NCAM2: variants seen among roughly 807,000 people sequenced by gnomAD.
NCAM2 encodes N-CAM-2.
NCAM2 carries 30 observed loss-of-function variants against 98.1 expected under a neutral mutation model. The ratio of observed to expected loss-of-function variants is 0.31; its 90% CI spans 0.23 to 0.41. NCAM2 has a LOEUF of 0.41. Among genes scored for constraint, NCAM2 ranks in the 10% least tolerant of loss-of-function variants. NCAM2 has a pLI of 1.00. For missense variants in NCAM2, 867 were observed against 1,005.8 expected, an observed-to-expected ratio of 0.86 and a Z score of 1.87; for synonymous variants, 368 against 342.4, an observed-to-expected ratio of 1.07 and a Z score of -0.83.
intron 16 of NCAM2, among the ~76,000 whole-genome samples, chr21:21,511,558 T>C (rs1436700430): frequency 5.9e-5 from 9 of 151,920 alleles, no homozygotes; most frequent in African/African-American, 2.2e-4. Context: ...GCAATAAACA[T>C]GGGAGTACAA....
At chr21:21,036,025 T>G (rs909087368) in intron 1 of NCAM2, among the ~76,000 whole-genome samples, 9 of 152,182 alleles carry the variant, frequency 5.9e-5, no homozygotes, top group Admixed American at 5.9e-4. Flanking sequence ...TAATTTAACA[T>G]ATGAAATAAG....
At chr21:21,238,709 AT>A (rs2070943347) in intron 1 of NCAM2, among the ~76,000 whole-genome samples, 1 of 152,196 alleles carries the variant, frequency 6.6e-6, no homozygotes, top group Non-Finnish European at 1.5e-5. Context: ...TAAAAATAGA[AT>A]CACTGGTCAT....
At chr21:21,072,646 A>C (rs912470574) in intron 1 of NCAM2, among the ~76,000 whole-genome samples, 1 of 152,128 alleles carries the variant, frequency 6.6e-6, no homozygotes, top group African/African-American at 2.4e-5. Context: ...CAAACATGGA[A>C]ATTCTGCTTG....
At chr21:21,391,208 AAAT>A (rs892864936) in intron 9 of NCAM2, among the ~76,000 whole-genome samples, 3 of 152,238 alleles carry the variant, frequency 2.0e-5, no homozygotes, top group South Asian at 2.1e-4. Context: ...GTAATAATAG[AAAT>A]AATAATAATA....
chr21:21,042,621 T>C lies in NCAM2; in HGVS notation c.55+44003T>C, dbSNP rs369229132. Among the ~76,000 whole-genome samples the C allele has an allele frequency of 4.6e-5, 7 of 152,188 alleles. No individual in the cohort carries two copies. In the East Asian group the frequency reaches 9.6e-4, roughly 21 times the overall value. On this transcript the variant is annotated intron_variant, in intron 1 of 17. Coordinates refer to ENST00000400546, the MANE Select transcript of NCAM2 (RefSeq NM_004540.5). ...CTTTGAGCTTTAATCTTGCCATCTCTAAATGAGGAATGTTGCCAACTAAAA... is the reference window on the plus strand; with the variant it reads ...CTTTGAGCTTTAATCTTGCCATCTCCAAATGAGGAATGTTGCCAACTAAAA...
chr21:21,067,951 G>A (rs1177102116), intron 1 of NCAM2, among the ~76,000 whole-genome samples: 2 of 151,850 alleles, frequency 1.3e-5, no homozygotes, highest in Non-Finnish European at 2.9e-5. Context: ...TGAATTTCTT[G>A]TCTTCTTGTC....
chr21:21,513,242 T>C (rs1268575528), intron 16 of NCAM2, among the ~76,000 whole-genome samples: 1 of 152,080 alleles, frequency 6.6e-6, no homozygotes. Context: ...TAATTTTGGG[T>C]TGGGTTAGCT....
chr21:21,534,464 TAAACTC>T, intron 16 of NCAM2, 67 bp from the exon 17 acceptor site: 1 of 1,285,324 alleles, frequency 7.8e-7, no homozygotes. Flanking sequence ...TGGGTGATTT[TAAACTC>T]TGTTTTTTTC....
chr21:21,221,334 A>C (rs1294877795), intron 1 of NCAM2, among the ~76,000 whole-genome samples: 6 of 150,174 alleles, frequency 4.0e-5, no homozygotes, highest in Non-Finnish European at 8.9e-5. Flanking sequence ...CTCTCAATTT[A>C]AAACAAAATA....
chr21:21,118,453 G>A (rs2066608183), intron 1 of NCAM2, among the ~76,000 whole-genome samples: 1 of 152,098 alleles, frequency 6.6e-6, no homozygotes, highest in Admixed American at 6.5e-5. Context: ...CACTCTGAAG[G>A]CTTAGCCAGT....
intron 17 of NCAM2, among the ~76,000 whole-genome samples, chr21:21,535,139 T>C (rs572675648): frequency 1.4e-4 from 22 of 152,258 alleles, no homozygotes; most frequent in Admixed American, 3.3e-4. Context: ...AATATCTATG[T>C]AGTAAATGAT....
chr21:21,069,302 G>T (rs897516079), intron 1 of NCAM2, among the ~76,000 whole-genome samples: 1 of 152,250 alleles, frequency 6.6e-6, no homozygotes, highest in African/African-American at 2.4e-5. Flanking sequence ...GGAGCAGAGA[G>T]AATGTAAATT....
At chr21:21,098,783 A>AT (rs1187133265) in intron 1 of NCAM2, among the ~76,000 whole-genome samples, 3 of 151,866 alleles carry the variant, frequency 2.0e-5, no homozygotes, top group African/African-American at 4.8e-5. Flanking sequence ...AAAAAGATGC[A>AT]TTTTTTAAGT....
chr21:21,033,641 A>T (rs1490549666), intron 1 of NCAM2, among the ~76,000 whole-genome samples: 1 of 151,950 alleles, frequency 6.6e-6, no homozygotes, highest in East Asian at 1.9e-4. Flanking sequence ...CAGTAAGGGG[A>T]GGTAAGTATG....
In NCAM2 at chr21:21,540,873, G is replaced by C. The variant is rs1280074768; in HGVS notation, c.*2916G>C. 6.6e-6 allele frequency: 1 copy of C among 151,840 alleles called. No individual in the cohort carries two copies. Among genetic ancestry groups the C allele is most frequent in the Non-Finnish European group, 1.5e-5 (1 of 67,848 alleles). The allele number at this position is 151,840 out of a possible 1,614,324, so 9.4% of individuals were successfully genotyped here. ...TCAGAATTTTGACACAAATTAATGTGTCAACATATTTTACAATGATTGTCA... is the reference window on the plus strand; with the variant it reads ...TCAGAATTTTGACACAAATTAATGTCTCAACATATTTTACAATGATTGTCA... On this transcript the variant is annotated 3_prime_UTR_variant, in exon 18 of 18. Coordinates refer to ENST00000400546, the MANE Select transcript of NCAM2 (RefSeq NM_004540.5).
chr21:21,536,855 C>T (rs1005796910), intron 17 of NCAM2, among the ~76,000 whole-genome samples: 13 of 152,156 alleles, frequency 8.5e-5, no homozygotes, highest in East Asian at 1.9e-4. Flanking sequence ...GGGTTTATGA[C>T]GCTGTCTTGA....
At position 21,037,410 on chromosome 21, in the gene NCAM2, A is replaced by G. The variant is rs1393473315; in HGVS notation, c.55+38792A>G. ...TATGTTGTTATTCTACTTAAAAACT[A>G]CTAAGCCAGTTAACAGTTTTAAGAA... On this transcript the variant is annotated intron_variant, in intron 1 of 17. Coordinates refer to ENST00000400546, the MANE Select transcript of NCAM2 (RefSeq NM_004540.5). Among the ~76,000 whole-genome samples the G allele has an allele frequency of 2.0e-5, 3 of 152,342 alleles. No homozygotes were observed. The East Asian group carries it at 5.8e-4, about 29-fold the overall frequency.
At chr21:21,289,288 A>C (rs2073207959) in intron 4 of NCAM2, among the ~76,000 whole-genome samples, 1 of 151,980 alleles carries the variant, frequency 6.6e-6, no homozygotes, top group Non-Finnish European at 1.5e-5. Context: ...ATTCATGGTA[A>C]GCAAGATAAG....
At chr21:21,449,490 G>A (rs951062947) in intron 12 of NCAM2, among the ~76,000 whole-genome samples, 2 of 151,948 alleles carry the variant, frequency 1.3e-5, no homozygotes, top group African/African-American at 4.8e-5. Flanking sequence ...TAATCCCAGT[G>A]AAGAATTCTT....
Sources: allele counts gnomAD v4.1 joint callset (sites outside exome capture counted in the v4.1 genomes callset), GRCh38; gene constraint gnomAD v4.1.1; transcripts MANE v1.5; gene names NCBI Gene and HGNC (gene_info 2026-07-23, HGNC 2026-07-21).